Variants in SLC24A3 observed in about 807,000 individuals in gnomAD.
SLC24A3 encodes sodium/potassium/calcium exchanger 3.
SLC24A3 carries 28 observed loss-of-function variants against 75.8 expected under a neutral mutation model. That is an observed-to-expected ratio of 0.37 (90% CI 0.27 to 0.51). The LOEUF is 0.51. SLC24A3 is among the 20% of genes least tolerant of loss of function. The pLI is 0.94. For synonymous variants in SLC24A3, 372 were observed against 334.1 expected (o/e 1.11, Z -1.24); for missense variants, 663 against 847.8 (o/e 0.78, Z 2.71).
At chr20:19,555,450 T>C (rs2030766945) in intron 3 of SLC24A3, among the ~76,000 whole-genome samples, 1 of 152,204 alleles carries the variant, frequency 6.6e-6, no homozygotes, top group African/African-American at 2.4e-5. Flanking sequence ...CTTCTTCCAT[T>C]AGTCTCGACA....
chr20:19,697,150 G>C (rs961794686), intron 14 of SLC24A3, among the ~76,000 whole-genome samples: 5 of 152,118 alleles, frequency 3.3e-5, no homozygotes, highest in African/African-American at 1.2e-4. Flanking sequence ...TGGAAGGAGG[G>C]AGGGTGATGC....
chr20:19,275,925 C>T (rs1412161562), intron 1 of SLC24A3, among the ~76,000 whole-genome samples: 3 of 152,144 alleles, frequency 2.0e-5, no homozygotes, highest in South Asian at 2.1e-4. Context: ...CTACCCCTCC[C>T]CTGACTAATT....
chr20:19,517,054 C>A (rs2030007990), intron 3 of SLC24A3, among the ~76,000 whole-genome samples: 1 of 152,174 alleles, frequency 6.6e-6, no homozygotes, highest in African/African-American at 2.4e-5. Flanking sequence ...CTCTTTTCTA[C>A]AAGGACATTC....
chr20:19,476,570 C>T (rs997579966), intron 2 of SLC24A3, among the ~76,000 whole-genome samples: 1 of 152,150 alleles, frequency 6.6e-6, no homozygotes, highest in African/African-American at 2.4e-5. Flanking sequence ...AATAAAAAGA[C>T]AAGCCACAGA....
chr20:19,236,422 T>C (rs1167449882), intron 1 of SLC24A3, among the ~76,000 whole-genome samples: 1 of 152,094 alleles, frequency 6.6e-6, no homozygotes, highest in African/African-American at 2.4e-5. Context: ...TATATCATAG[T>C]ATGCTTCTAT....
At chr20:19,255,487 C>T (rs1208674153) in intron 1 of SLC24A3, among the ~76,000 whole-genome samples, 3 of 152,206 alleles carry the variant, frequency 2.0e-5, no homozygotes, top group African/African-American at 4.8e-5. Context: ...CCATCTTTGT[C>T]CTCTCCAGGT....
chr20:19,462,503 C>T (rs1350662608), intron 2 of SLC24A3, among the ~76,000 whole-genome samples: 2 of 152,220 alleles, frequency 1.3e-5, no homozygotes, highest in African/African-American at 4.8e-5. Flanking sequence ...GCCCTGGACA[C>T]AACCCAAACT....
intron 2 of SLC24A3, among the ~76,000 whole-genome samples, chr20:19,330,134 T>G (rs1347765842): frequency 6.6e-6 from 1 of 152,206 alleles, no homozygotes; most frequent in Non-Finnish European, 1.5e-5. Context: ...AATCGTGCCT[T>G]AGGACGGAAC....
chr20:19,640,865 C>A (rs1031390338), intron 6 of SLC24A3, among the ~76,000 whole-genome samples: 2 of 152,086 alleles, frequency 1.3e-5, no homozygotes, highest in Non-Finnish European at 2.9e-5. Flanking sequence ...TAATTTATGA[C>A]CCTTTTGTCT....
chr20:19,689,468 G>A (rs2032720819), intron 12 of SLC24A3, among the ~76,000 whole-genome samples: 2 of 152,274 alleles, frequency 1.3e-5, no homozygotes, highest in African/African-American at 4.8e-5. Context: ...TGTGAAATCA[G>A]GTAATCACCA....
intron 6 of SLC24A3, among the ~76,000 whole-genome samples, chr20:19,633,230 C>T (rs1262402579): frequency 6.6e-6 from 1 of 152,206 alleles, no homozygotes; most frequent in East Asian, 1.9e-4. Context: ...AGTTCAAGCT[C>T]AATGTATTGG....
At position 19,612,700 on chromosome 20, in the gene SLC24A3, G is replaced by A. The variant is rs533309508; in HGVS notation, c.612+27156G>A. ...TGACCACTGTGATCACCCCCCCTCT[G>A]CTGCCATCTGGCTCAGCTGCCACAA... On this transcript the variant is annotated intron_variant, in intron 6 of 16. Coordinates refer to ENST00000328041, the MANE Select transcript of SLC24A3 (RefSeq NM_020689.4). Among the ~76,000 whole-genome samples the A allele has an allele frequency of 3.3e-5, 5 of 151,092 alleles. 1 individual carries two copies. Among genetic ancestry groups the A allele is most frequent in the African/African-American group, 1.2e-4 (5 of 41,140 alleles).
At chr20:19,685,415 A>C in intron 12 of SLC24A3, 54 bp downstream of exon 12, 1 of 1,586,404 alleles carries the variant, frequency 6.3e-7, no homozygotes, top group Non-Finnish European at 8.6e-7. Flanking sequence ...GCCACTGAGT[A>C]GATGCCCTTG....
At chr20:19,230,580 G>A (rs899519942) in intron 1 of SLC24A3, among the ~76,000 whole-genome samples, 5 of 149,286 alleles carry the variant, frequency 3.3e-5, no homozygotes, top group Admixed American at 2.7e-4. Flanking sequence ...TTGCATTTCC[G>A]GGAACTGGGG....
intron 12 of SLC24A3, 69 bp from the exon 13 acceptor site, chr20:19,693,190 G>C: frequency 2.0e-6 from 3 of 1,509,384 alleles, no homozygotes; most frequent in Admixed American, 2.2e-5. Flanking sequence ...GCAGAGCAAA[G>C]AAATAAAGCT....
At chr20:19,629,279 G>C (rs906898865) in intron 6 of SLC24A3, among the ~76,000 whole-genome samples, 1 of 152,198 alleles carries the variant, frequency 6.6e-6, no homozygotes, top group Non-Finnish European at 1.5e-5. Context: ...TTCACCAGAA[G>C]GGATCAACAG....
At chr20:19,655,062 C>T (rs2032250389) in intron 7 of SLC24A3, among the ~76,000 whole-genome samples, 2 of 152,202 alleles carry the variant, frequency 1.3e-5, no homozygotes, top group South Asian at 4.1e-4. Context: ...CCTCAACTCC[C>T]AGCATACCCA....
intron 9 of SLC24A3, among the ~76,000 whole-genome samples, chr20:19,678,909 G>A (rs372205916): frequency 2.5e-4 from 38 of 151,474 alleles, no homozygotes; most frequent in East Asian, 1.4e-3. Flanking sequence ...GAAACGGAGC[G>A]GCGGGGCAAA....
intron 6 of SLC24A3, among the ~76,000 whole-genome samples, chr20:19,613,702 C>A (rs1275133314): frequency 1.3e-5 from 2 of 152,174 alleles, no homozygotes; most frequent in Non-Finnish European, 2.9e-5. Context: ...GAGTGGGACC[C>A]AGACCTGGAG....
Sources: gnomAD v4.1 joint callset for allele counts (sites outside exome capture counted in the v4.1 genomes callset) on GRCh38, gnomAD v4.1.1 for gene constraint, MANE v1.5 for transcripts, NCBI Gene and HGNC (gene_info 2026-07-23, HGNC 2026-07-21) for gene names.